The following TRAF6 variants were observed in gnomAD, a reference collection of about 807,000 sequenced individuals.
The protein encoded by TRAF6 is TNF receptor-associated factor 6.
A neutral mutation model predicts 48.4 loss-of-function variants in TRAF6; 10 were observed. The observed-to-expected ratio is 0.21, with a 90% CI of 0.13 to 0.35. The LOEUF is 0.35. TRAF6 is among the 10% of genes least tolerant of loss of function. The pLI is 1.00. For synonymous variants in TRAF6, 186 were observed against 219.6 expected, an observed-to-expected ratio of 0.85 and a Z score of 1.35; for missense variants, 397 against 661.0, an observed-to-expected ratio of 0.60 and a Z score of 4.38.
Position 36,491,971 on chromosome 11 carries a change from C to T in TRAF6, c.756+580G>A, listed in dbSNP as rs79244305. ...TTCTTCCTGTGTTCACTCTTTTTTG[C>T]CGAATGGCCCTTCCATCTACCCAGT... On this transcript the variant is annotated intron_variant, in intron 6 of 6. Coordinates refer to ENST00000526995, the MANE Select transcript of TRAF6 (RefSeq NM_004620.4). 6.0e-3 allele frequency among the ~76,000 whole-genome samples: 910 copies of T among 152,138 alleles called. 42 individuals are homozygous for T. The East Asian group carries it at 0.11, about 18-fold the overall frequency.
intron 4 of TRAF6, among the ~76,000 whole-genome samples, chr11:36,495,368 T>C (rs1859616200): frequency 6.6e-6 from 1 of 152,212 alleles, no homozygotes; most frequent in African/African-American, 2.4e-5. Context: ...GCTATACTTC[T>C]CCAAAGGTAA....
intron 5 of TRAF6, among the ~76,000 whole-genome samples, chr11:36,493,631 G>C (rs1442075989): frequency 6.6e-6 from 1 of 152,106 alleles, no homozygotes; most frequent in African/African-American, 2.4e-5. Flanking sequence ...AAAGATGAGA[G>C]GGCACAGTTA....
rs1239545084 is a variant in TRAF6, at chr11:36,489,647, G to A, written c.*191C>T. 1.2e-5 allele frequency: 8 copies of A among 650,174 alleles called. No individual in the cohort carries two copies. The highest frequency in any genetic ancestry group is 4.2e-4 in the Middle Eastern group (1 of 2,372). 40.3% of individuals were successfully genotyped at this position (650,174 alleles called of 1,614,324 possible). ...TAACATTTCTGAAAAAGCATGGAAC[G>A]TGTGGATTCCCAGGAAAAAACTGCC... On this transcript the variant is annotated 3_prime_UTR_variant, in exon 7 of 7. Coordinates refer to ENST00000526995, the MANE Select transcript of TRAF6 (RefSeq NM_004620.4).
intron 5 of TRAF6, among the ~76,000 whole-genome samples, chr11:36,494,430 G>C (rs1433784330): frequency 6.6e-6 from 1 of 152,062 alleles, no homozygotes; most frequent in Non-Finnish European, 1.5e-5. Context: ...TTCTAATGAT[G>C]CCCGGTCAGT....
rs768522028 is a variant in TRAF6 at position 36,492,545 on chromosome 11, C to T, written c.756+6G>A. 1.3e-6 allele frequency: 2 copies of T among 1,598,396 alleles called. No individual in the cohort carries two copies. The highest frequency in any genetic ancestry group is 1.7e-6 in the Non-Finnish European group (2 of 1,173,880). On this transcript the variant is annotated splice_donor_region_variant and intron_variant, in intron 6 of 6. Coordinates refer to ENST00000526995, the MANE Select transcript of TRAF6 (RefSeq NM_004620.4). The stretch of plus-strand genomic sequence containing the variant: ...ATTCAAGAATTAAAAGAAAAAAAAA[C>T]CTTACCTTTTCATGGCAACCAAAAG...
Position 36,501,438 on chromosome 11 carries a change from G to A in TRAF6, c.78C>T (p.Ser26=), listed in dbSNP as rs1387448450. ...ESDCCVAMAS[S]CSAVTKDDSV... is the part of the protein sequence containing the mutation. ...TATCATCTTTTGTTACAGCGCTACA[G>A]GAGCTGGCCATGGCCACACAGCAGT... is the stretch of plus-strand genomic sequence containing the variant. The change falls in exon 2 of 7, where the codon TCC becomes TCT. Residue 26 remains serine (S), a synonymous_variant. Coordinates refer to ENST00000526995, the MANE Select transcript of TRAF6 (RefSeq NM_004620.4). 6.2e-7 allele frequency: 1 copy of A among 1,614,028 alleles called. No individual in the cohort carries two copies. The highest frequency in any genetic ancestry group is 8.5e-7 in the Non-Finnish European group (1 of 1,180,036).
At position 36,490,363 on chromosome 11, in the gene TRAF6, C is replaced by T. The variant is rs143313499; in HGVS notation, c.1044G>A (p.Gln348=). Residue 348 remains glutamine (Q), a synonymous_variant, in exon 7 of 7, where the codon CAG becomes CAA. Transcript: ENST00000526995. The surrounding 1 kb of genome is among the most constrained non-coding windows in gnomAD (Gnocchi z 6.4). ...TCTTCCAAATATAAATTCCATTGCACTGCTGTGCTTCGATTTCAGCAACTT... is the reference window on the plus strand; with the variant it reads ...TCTTCCAAATATAAATTCCATTGCATTGCTGTGCTTCGATTTCAGCAACTT... ...EDKVAEIEAQ[Q]CNGIYIWKIG... 6.2e-7 allele frequency: 1 copy of T among 1,614,220 alleles called. No homozygotes were observed. The highest frequency in any genetic ancestry group is 8.5e-7 in the Non-Finnish European group (1 of 1,180,050).
Position 36,486,221 on chromosome 11 carries a change from T to C in TRAF6, c.*3617A>G, listed in dbSNP as rs1458927061. Reference sequence around the variant, plus strand: ...CACCTGGCTAATTTTTGTATTTTTATAGAGATGGGGTTTCACCATTTTGGC... The same window carrying C: ...CACCTGGCTAATTTTTGTATTTTTACAGAGATGGGGTTTCACCATTTTGGC... On this transcript the variant is annotated 3_prime_UTR_variant, in exon 7 of 7. Coordinates refer to ENST00000526995, the MANE Select transcript of TRAF6 (RefSeq NM_004620.4). Among the ~76,000 whole-genome samples, 1 of 152,040 alleles carries C rather than the reference T, an allele frequency of 6.6e-6. No homozygotes were observed. The highest frequency in any genetic ancestry group is 1.9e-4 in the East Asian group (1 of 5,186).
At position 36,489,624 on chromosome 11, in the gene TRAF6, A is replaced by G; in HGVS notation, c.*214T>C. On this transcript the variant is annotated 3_prime_UTR_variant, in exon 7 of 7. Transcript: ENST00000526995. ...ACATGCCACAGGCACTTCAGGCCTA[A>G]CATTTCTGAAAAAGCATGGAACGTG... The G allele has an allele frequency of 1.7e-6, 1 of 595,182 alleles. No homozygotes were observed. The highest frequency in any genetic ancestry group is 2.9e-5 in the East Asian group (1 of 35,012). 36.9% of individuals were successfully genotyped at this position (595,182 alleles called of 1,614,324 possible).
chr11:36,494,854 C>T (rs943429259), intron 5 of TRAF6, 122 bp downstream of exon 5: 112 of 539,282 alleles, frequency 2.1e-4, no homozygotes, highest in South Asian at 1.4e-4. Context: ...AATTTTCACA[C>T]AGCTCTAATA....
chr11:36,492,873 A>G (rs1325094322), intron 5 of TRAF6, among the ~76,000 whole-genome samples: 2 of 152,208 alleles, frequency 1.3e-5, no homozygotes, highest in Non-Finnish European at 2.9e-5. Flanking sequence ...AAGAAAATGA[A>G]TTTGTTCCTC....
Position 36,490,121 on chromosome 11 carries a change from G to A in TRAF6, c.1286C>T (p.Thr429Ile). The change falls in exon 7 of 7, where the codon ACA (threonine) becomes ATA (isoleucine). Residue 429 changes from threonine (T) to isoleucine (I), a missense_variant. Thr to Ile is a moderately conservative substitution (Grantham distance 89, BLOSUM62 -1). Transcript: ENST00000526995. The surrounding 1 kb of genome is among the most constrained non-coding windows in gnomAD (Gnocchi z 6.4). ...DSHLPWPFQG[T>I]IRLTILDQSE... ...CTGATCAAGAATTGTAAGGCGTATTGTACCCTGGAAGGGCCAAGGGAGGTG... is the reference window on the plus strand; with the variant it reads ...CTGATCAAGAATTGTAAGGCGTATTATACCCTGGAAGGGCCAAGGGAGGTG... 6.2e-7 allele frequency: 1 copy of A among 1,614,146 alleles called. No homozygotes were observed. Among genetic ancestry groups the A allele is most frequent in the Non-Finnish European group, 8.5e-7 (1 of 1,180,028 alleles).
At chr11:36,492,762 A>G in intron 5 of TRAF6, 134 bp from the exon 6 acceptor site, 1 of 619,860 alleles carries the variant, frequency 1.6e-6, no homozygotes, top group Non-Finnish European at 2.8e-6. Context: ...AGCATAAACC[A>G]TCACCCACAA....
In TRAF6 at chr11:36,490,025, C is replaced by T. The variant is rs749457723; in HGVS notation, c.1382G>A (p.Arg461Gln). 3.1e-6 allele frequency: 5 copies of T among 1,614,106 alleles called. No homozygotes were observed. Among genetic ancestry groups the T allele is most frequent in the Admixed American group, 1.7e-5 (1 of 60,020 alleles). ...TTTTGGGTTCCGTGGGATTGTGGGTCGCTGGAAAGCAAGCAGCTCTGGTTT... is the reference window on the plus strand; with the variant it reads ...TTTTGGGTTCCGTGGGATTGTGGGTTGCTGGAAAGCAAGCAGCTCTGGTTT... ...DAKPELLAFQ[R>Q]PTIPRNPKGF... Residue 461 changes from arginine (R) to glutamine (Q), a missense_variant, in exon 7 of 7, where the codon CGA becomes CAA. By Grantham distance (43) the Arg-to-Gln change is conservative. Coordinates refer to ENST00000526995, the MANE Select transcript of TRAF6 (RefSeq NM_004620.4). This position sits in a 1 kb window ranked among gnomAD's most constrained non-coding sequence, Gnocchi z 6.4.
At chr11:36,509,671 G>A (rs1342293744) in intron 1 of TRAF6, among the ~76,000 whole-genome samples, 1 of 152,170 alleles carries the variant, frequency 6.6e-6, no homozygotes, top group African/African-American at 2.4e-5. Context: ...TTTAGGGGGT[G>A]GAATGAGCGA....
rs183148310 is a variant in TRAF6 at position 36,507,096 on chromosome 11, T to C, written c.-23+2952A>G. Among the ~76,000 whole-genome samples, 32 of 149,850 alleles carry C rather than the reference T, an allele frequency of 2.1e-4. 2 individuals are homozygous for C. The highest frequency in any genetic ancestry group is 7.4e-5 in the Non-Finnish European group (5 of 67,252). The stretch of plus-strand genomic sequence containing the variant: ...ATACGTATATACACATAAATGTATA[T>C]ACGTGTATATATGTATATATACATG... On this transcript the variant is annotated intron_variant, in intron 1 of 6. Transcript: ENST00000526995.
intron 5 of TRAF6, among the ~76,000 whole-genome samples, chr11:36,492,933 AC>A (rs1429958811): frequency 6.6e-6 from 1 of 152,132 alleles, no homozygotes; most frequent in Non-Finnish European, 1.5e-5. Context: ...AAAACACCTA[AC>A]AATAGCTACA....
chr11:36,498,474 A>G lies in TRAF6; in HGVS notation c.447+16T>C. ...CTTTTATACATGTGCTAACAGCTAG[A>G]AAAGAACTTTAATACCTCAAGATGT... On this transcript the variant is annotated intron_variant, in intron 3 of 6. Transcript: ENST00000526995. 1 of 1,601,366 alleles carries G rather than the reference A, an allele frequency of 6.2e-7. No individual in the cohort carries two copies. The highest frequency in any genetic ancestry group is 1.1e-5 in the South Asian group (1 of 88,810).
At position 36,486,885 on chromosome 11, in the gene TRAF6, T is replaced by C. The variant is rs1437722800; in HGVS notation, c.*2953A>G. 2.0e-5 allele frequency: 3 copies of C among 152,042 alleles called. No homozygotes were observed. Among genetic ancestry groups the C allele is most frequent in the Admixed American group, 6.5e-5 (1 of 15,270 alleles). The allele number at this position is 152,042 out of a possible 1,614,324, so 9.4% of individuals were successfully genotyped here. Reference sequence around the variant, plus strand: ...GGGCGGATCATCTGAGGTCAGGAGTTCCAGACGAGACTGGCCAATATGGTG... The same window carrying C: ...GGGCGGATCATCTGAGGTCAGGAGTCCCAGACGAGACTGGCCAATATGGTG... On this transcript the variant is annotated 3_prime_UTR_variant, in exon 7 of 7. Transcript: ENST00000526995.
Sources: gnomAD v4.1 joint callset for allele counts (sites outside exome capture counted in the v4.1 genomes callset) on GRCh38, gnomAD v4.1.1 for gene constraint, Gnocchi (gnomAD v3.1) non-coding constraint, MANE v1.5 for transcripts, NCBI Gene and HGNC (gene_info 2026-07-23, HGNC 2026-07-21) for gene names.